BMAL2: variants seen among roughly 807,000 people sequenced by gnomAD.
BMAL2 encodes the protein basic helix-loop-helix ARNT-like protein 2.
the BMAL2 span, chr12:27,422,152 A>G: frequency 6.6e-6 from 1 of 152,210 alleles, no homozygotes; most frequent in African/African-American, 2.4e-5. Context: ...ATCATACTTT[A>G]TAACACTTTC....
the BMAL2 span, among the ~76,000 whole-genome samples, chr12:27,419,252 C>G: frequency 1.3e-5 from 2 of 152,140 alleles, no homozygotes; most frequent in East Asian, 1.9e-4. Context: ...GCTGCTATAA[C>G]AGAATACCAC....
At chr12:27,407,476 C>G in the BMAL2 span, among the ~76,000 whole-genome samples, 2 of 152,220 alleles carry the variant, frequency 1.3e-5, no homozygotes, top group East Asian at 1.9e-4. Context: ...AACTGAACAA[C>G]CTGCTCCTGA....
At chr12:27,364,515 T>C in the BMAL2 span, among the ~76,000 whole-genome samples, 1 of 152,192 alleles carries the variant, frequency 6.6e-6, no homozygotes, top group Non-Finnish European at 1.5e-5. Context: ...CTTTGTTCTC[T>C]TCCATTCATC....
the BMAL2 span, chr12:27,333,206 G>A: frequency 8.9e-7 from 1 of 1,127,792 alleles, no homozygotes; most frequent in Non-Finnish European, 1.1e-6. Flanking sequence ...TGCCCCGAGG[G>A]AAGCGCCCGC....
the BMAL2 span, chr12:27,387,182 G>C: frequency 2.3e-6 from 3 of 1,322,736 alleles, no homozygotes; most frequent in Non-Finnish European, 3.3e-6. Context: ...GTGTGTATAA[G>C]AGACAGACAA....
chr12:27,424,207 T>C, the BMAL2 span: 5 of 152,364 alleles, frequency 3.3e-5, no homozygotes, highest in African/African-American at 1.2e-4. Flanking sequence ...GTGGTTATTA[T>C]TGAAGTAGAC....
At chr12:27,414,579 G>A in the BMAL2 span, among the ~76,000 whole-genome samples, 488 of 152,146 alleles carry the variant, frequency 3.2e-3, 2 homozygotes, top group Middle Eastern at 0.017. Context: ...GAAATCAAAG[G>A]GGAAATTTAA....
At chr12:27,386,113 A>G in the BMAL2 span, among the ~76,000 whole-genome samples, 2 of 152,188 alleles carry the variant, frequency 1.3e-5, no homozygotes, top group Admixed American at 6.5e-5. Context: ...CAAATTAAAT[A>G]GAAGGATTCT....
chr12:27,385,439 C>G, the BMAL2 span: 1 of 1,363,174 alleles, frequency 7.3e-7, no homozygotes, highest in Non-Finnish European at 1.0e-6. Flanking sequence ...ATTTTGCCCT[C>G]TCTACTATAT....
the BMAL2 span, among the ~76,000 whole-genome samples, chr12:27,370,410 G>A: frequency 2.6e-5 from 4 of 152,136 alleles, no homozygotes; most frequent in Non-Finnish European, 5.9e-5. Flanking sequence ...AATTATGGAT[G>A]TCAAAGTACG....
chr12:27,418,446 A>T, the BMAL2 span, among the ~76,000 whole-genome samples: 1 of 151,732 alleles, frequency 6.6e-6, no homozygotes, highest in East Asian at 1.9e-4. Flanking sequence ...CGAAAAAAAA[A>T]TTGTTTTAAT....
the BMAL2 span, among the ~76,000 whole-genome samples, chr12:27,387,630 T>G: frequency 6.6e-6 from 1 of 152,148 alleles, no homozygotes; most frequent in African/African-American, 2.4e-5. Flanking sequence ...TATTTAAGAG[T>G]GTCTGAAAAG....
chr12:27,353,894 T>G, the BMAL2 span, among the ~76,000 whole-genome samples: 1 of 152,078 alleles, frequency 6.6e-6, no homozygotes, highest in South Asian at 2.1e-4. Flanking sequence ...ACAGAATGGC[T>G]ATTATTAAAA....
the BMAL2 span, among the ~76,000 whole-genome samples, chr12:27,410,980 A>T: frequency 6.6e-6 from 1 of 152,166 alleles, no homozygotes; most frequent in African/African-American, 2.4e-5. Flanking sequence ...TGTGGATTTC[A>T]TACGGTAAAA....
chr12:27,415,608 A>G, the BMAL2 span, among the ~76,000 whole-genome samples: 2 of 152,174 alleles, frequency 1.3e-5, no homozygotes, highest in South Asian at 2.1e-4. Flanking sequence ...AACACATGCT[A>G]TATTGACAGA....
At chr12:27,394,037 T>C in the BMAL2 span, among the ~76,000 whole-genome samples, 1 of 152,260 alleles carries the variant, frequency 6.6e-6, no homozygotes, top group South Asian at 2.1e-4. Flanking sequence ...GCTCAGATGA[T>C]CTTCCCGCCT....
chr12:27,418,070 C>T, the BMAL2 span: 1 of 1,529,562 alleles, frequency 6.5e-7, no homozygotes, highest in Non-Finnish European at 9.0e-7. Context: ...CTGTTTGTTA[C>T]TCTGGCTGTC....
At chr12:27,403,681 C>A in the BMAL2 span, 5 of 444,418 alleles carry the variant, frequency 1.1e-5, no homozygotes, top group South Asian at 5.7e-5. Flanking sequence ...ACAGTAGCAA[C>A]AAAAAGATAT....
At chr12:27,342,854 T>A in the BMAL2 span, among the ~76,000 whole-genome samples, 2 of 152,262 alleles carry the variant, frequency 1.3e-5, no homozygotes, top group South Asian at 4.1e-4. Flanking sequence ...GTGGCTTCTT[T>A]AGGACAATTC....
Sources: gnomAD v4.1 joint callset for allele counts (sites outside exome capture counted in the v4.1 genomes callset) on GRCh38, gnomAD v4.1.1 for gene constraint, MANE v1.5 for transcripts, NCBI Gene and HGNC (gene_info 2026-07-23, HGNC 2026-07-21) for gene names.